The following KCNAB1 variants were observed in gnomAD, a reference collection of about 807,000 sequenced individuals.
The protein encoded by KCNAB1 is voltage-gated potassium channel subunit beta-1.
KCNAB1 carries 35 observed loss-of-function variants against 64.6 expected under a neutral mutation model. The ratio of observed to expected loss-of-function variants is 0.54; its 90% CI spans 0.41 to 0.72. The LOEUF is 0.72. Among genes scored for constraint, KCNAB1 ranks in the 30% least tolerant of loss-of-function variants. The pLI, the probability that KCNAB1 is intolerant of heterozygous loss-of-function variation, is 0.00. For synonymous variants in KCNAB1, 177 were observed against 183.8 expected (o/e 0.96, Z 0.30); for missense variants, 401 against 512.9 (o/e 0.78, Z 2.11).
Position 156,457,465 on chromosome 3 carries a change from C to T in KCNAB1, c.370C>T (p.Leu124=), listed in dbSNP as rs764620316. 1.2e-6 allele frequency: 2 copies of T among 1,613,924 alleles called. No individual in the cohort carries two copies. Among genetic ancestry groups the T allele is most frequent in the Non-Finnish European group, 1.7e-6 (2 of 1,179,822 alleles). The stretch of plus-strand genomic sequence containing the variant: ...TCTCCCCTTGCAGGTTGCTGAACGG[C>T]TGATGACCATCGCCTATGAAAGTGG... ...GQISDEVAER[L]MTIAYESGVN... is the part of the protein sequence containing the mutation. Residue 124 remains leucine, a synonymous_variant, in exon 4 of 14, where the codon CTG becomes TTG. Coordinates refer to ENST00000490337, the MANE Select transcript of KCNAB1 (RefSeq NM_172160.3).
At chr3:156,329,374 T>C (rs1723184621) in intron 1 of KCNAB1, among the ~76,000 whole-genome samples, 1 of 152,058 alleles carries the variant, frequency 6.6e-6, no homozygotes, top group East Asian at 1.9e-4. Context: ...CAGGGGATGA[T>C]TGCCTGCCTA....
intron 8 of KCNAB1, among the ~76,000 whole-genome samples, chr3:156,481,328 A>G (rs1178480327): frequency 1.3e-5 from 2 of 151,940 alleles, no homozygotes; most frequent in African/African-American, 4.8e-5. Context: ...CCTGGTTTGA[A>G]AGCCCGGGAC....
intron 1 of KCNAB1, chr3:156,290,909 A>T: frequency 1.1e-6 from 1 of 943,448 alleles, no homozygotes; most frequent in Non-Finnish European, 1.3e-6. Context: ...TTGCAGAGAG[A>T]AAAGGAACTC....
At chr3:156,294,238 A>G (rs1720640572) in intron 1 of KCNAB1, among the ~76,000 whole-genome samples, 2 of 152,192 alleles carry the variant, frequency 1.3e-5, no homozygotes, top group South Asian at 4.1e-4. Flanking sequence ...ACAACTAAAG[A>G]TAGTTCTCTA....
chr3:156,299,270 T>C (rs1471972461), intron 1 of KCNAB1, among the ~76,000 whole-genome samples: 1 of 152,246 alleles, frequency 6.6e-6, no homozygotes, highest in East Asian at 1.9e-4. Flanking sequence ...TAGGCAGAAT[T>C]TGCAGCCCAA....
chr3:156,181,754 C>G (rs903558926), intron 1 of KCNAB1, among the ~76,000 whole-genome samples: 1 of 152,022 alleles, frequency 6.6e-6, no homozygotes, highest in African/African-American at 2.4e-5. Context: ...AAAAAAGGCT[C>G]TAAGGCTTGA....
At chr3:156,272,690 G>T (rs1464064279) in intron 1 of KCNAB1, among the ~76,000 whole-genome samples, 1 of 151,932 alleles carries the variant, frequency 6.6e-6, no homozygotes, top group African/African-American at 2.4e-5. Flanking sequence ...AGCCCTCTTG[G>T]TGCTCCTCCC....
Position 156,176,793 on chromosome 3 carries a change from G to A in KCNAB1, c.275+55907G>A, listed in dbSNP as rs990518958. The A allele has an allele frequency of 2.2e-5, 19 of 863,830 alleles. No individual in the cohort carries two copies. The African/African-American group carries it at 3.0e-4, about 13-fold the overall frequency. The allele number at this position is 863,830 out of a possible 1,614,324, so 53.5% of individuals were successfully genotyped here. A position where few individuals can be genotyped will look rare whatever the true frequency, so the allele number is the denominator to read the frequency against. ...TGCTTGCAGCAAAGCTCCTGGCGTC[G>A]CCTGCTGCTGCCCGGCTCCAGGGCC... On this transcript the variant is annotated intron_variant, in intron 1 of 13. Transcript: ENST00000490337.
intron 8 of KCNAB1, among the ~76,000 whole-genome samples, chr3:156,490,460 A>C (rs1222780369): frequency 6.6e-6 from 1 of 152,150 alleles, no homozygotes; most frequent in Admixed American, 6.6e-5. Context: ...GAGATACAGA[A>C]ATGTTCAAAG....
intron 2 of KCNAB1, among the ~76,000 whole-genome samples, chr3:156,442,795 TTGCCCAGCTCTC>T (rs1003500546): frequency 7.9e-5 from 12 of 152,184 alleles, no homozygotes; most frequent in African/African-American, 2.9e-4. Context: ...CATCTCATTG[TTGCCCAGCTCTC>T]TGCCCTGATC....
chr3:156,516,589 G>A (rs573766444), intron 11 of KCNAB1, among the ~76,000 whole-genome samples: 5 of 152,308 alleles, frequency 3.3e-5, no homozygotes, highest in African/African-American at 9.6e-5. Context: ...TCTTCTTCTG[G>A]GGACTAGGAA....
intron 1 of KCNAB1, among the ~76,000 whole-genome samples, chr3:156,265,218 C>T (rs972786539): frequency 2.0e-5 from 3 of 152,164 alleles, no homozygotes; most frequent in Admixed American, 6.5e-5. Context: ...ACTTGGGGTA[C>T]TCTTGCTTAG....
chr3:156,221,097 C>A (rs961374500), intron 1 of KCNAB1, among the ~76,000 whole-genome samples: 1 of 152,252 alleles, frequency 6.6e-6, no homozygotes, highest in South Asian at 2.1e-4. Context: ...GGTACCAGTA[C>A]CATGCTGTTT....
intron 1 of KCNAB1, among the ~76,000 whole-genome samples, chr3:156,236,921 AC>A (rs1215363229): frequency 6.6e-6 from 1 of 152,178 alleles, no homozygotes; most frequent in Non-Finnish European, 1.5e-5. Flanking sequence ...AATAAATATA[AC>A]AAAAGTCTTG....
chr3:156,341,160 A>G (rs1280519357), intron 1 of KCNAB1, among the ~76,000 whole-genome samples: 1 of 152,242 alleles, frequency 6.6e-6, no homozygotes, highest in East Asian at 1.9e-4. Flanking sequence ...ATGTAAAGTC[A>G]CATTTATTGA....
intron 1 of KCNAB1, among the ~76,000 whole-genome samples, chr3:156,148,625 G>A (rs1310180169): frequency 1.3e-5 from 2 of 152,202 alleles, no homozygotes; most frequent in Non-Finnish European, 2.9e-5. Context: ...AGTCACATAT[G>A]TGAAAGTGCT....
intron 1 of KCNAB1, among the ~76,000 whole-genome samples, chr3:156,239,966 C>T (rs753869558): frequency 3.3e-5 from 5 of 152,020 alleles, no homozygotes; most frequent in African/African-American, 9.7e-5. Context: ...TTGAAAGCTA[C>T]AGGAAATACA....
chr3:156,389,601 G>T (rs1414005024), intron 1 of KCNAB1, among the ~76,000 whole-genome samples: 1 of 152,184 alleles, frequency 6.6e-6, no homozygotes, highest in East Asian at 1.9e-4. Context: ...TCAGACCTCC[G>T]CCCGGATCTA....
At chr3:156,266,014 A>T (rs1718681701) in intron 1 of KCNAB1, among the ~76,000 whole-genome samples, 1 of 152,042 alleles carries the variant, frequency 6.6e-6, no homozygotes, top group Non-Finnish European at 1.5e-5. Context: ...AAAAAACAAA[A>T]AAAACTGTGA....
Sources: gnomAD v4.1 joint callset for allele counts (sites outside exome capture counted in the v4.1 genomes callset) on GRCh38, gnomAD v4.1.1 for gene constraint, MANE v1.5 for transcripts, NCBI Gene and HGNC (gene_info 2026-07-23, HGNC 2026-07-21) for gene names.